Variants in SCAMP4 observed in about 807,000 individuals in gnomAD.
SCAMP4 encodes secretory carrier-associated membrane protein 4.
SCAMP4 carries 19 observed loss-of-function variants against 32.1 expected under a neutral mutation model. That is an observed-to-expected ratio of 0.59 (90% CI 0.41 to 0.87). The LOEUF (loss-of-function observed/expected upper bound fraction) is 0.87. Ranked by LOEUF, SCAMP4 falls within the 40% of genes least tolerant of loss-of-function variation. SCAMP4 has a pLI of 0.00. For missense variants in SCAMP4, 302 were observed against 309.0 expected (o/e 0.98, Z 0.17); for synonymous variants, 152 against 132.7 (o/e 1.15, Z -1.00).
rs2014044943 is a variant in SCAMP4 at position 1,924,725 on chromosome 19, A to G, written c.*441A>G. ...GTCTCACCGGCCACCCGCCGTCACCATGGCAGATGCCCTTGGCCGGAACTA... is the reference window on the plus strand; with the variant it reads ...GTCTCACCGGCCACCCGCCGTCACCGTGGCAGATGCCCTTGGCCGGAACTA... On this transcript the variant is annotated 3_prime_UTR_variant, in exon 7 of 7. Coordinates refer to ENST00000316097, the MANE Select transcript of SCAMP4 (RefSeq NM_079834.4). 4.8e-6 allele frequency: 1 copy of G among 206,566 alleles called. No individual in the cohort carries two copies. The highest frequency in any genetic ancestry group is 1.0e-5 in the Non-Finnish European group (1 of 98,112). 12.8% of individuals were successfully genotyped at this position (206,566 alleles called of 1,614,324 possible).
chr19:1,909,072 T>C (rs2013293792), intron 1 of SCAMP4, among the ~76,000 whole-genome samples: 1 of 149,982 alleles, frequency 6.7e-6, no homozygotes, highest in Admixed American at 6.7e-5. Context: ...GCCACTGCAC[T>C]CCAGCCTGGG....
At chr19:1,917,642 C>T (rs1371761416) in intron 2 of SCAMP4, 52 bp from the exon 3 acceptor site, 3 of 1,610,340 alleles carry the variant, frequency 1.9e-6, no homozygotes, top group African/African-American at 2.7e-5. Flanking sequence ...GAGGTGGGGC[C>T]TCCTTCAAGA....
chr19:1,914,319 CTGCCTCA>C (rs1418960151), intron 1 of SCAMP4, among the ~76,000 whole-genome samples: 1 of 152,160 alleles, frequency 6.6e-6, no homozygotes, highest in East Asian at 1.9e-4. Context: ...TTCCTGGGAA[CTGCCTCA>C]CCTGGACTGT....
chr19:1,921,221 G>C (rs144629762), intron 5 of SCAMP4: 179 of 985,236 alleles, frequency 1.8e-4, no homozygotes, highest in Non-Finnish European at 2.1e-4. Context: ...CACACACTCT[G>C]TGCACTGCTG....
chr19:1,907,391 T>TCAA (rs2013182994), intron 1 of SCAMP4, among the ~76,000 whole-genome samples: 1 of 137,344 alleles, frequency 7.3e-6, no homozygotes, highest in Non-Finnish European at 1.6e-5. Flanking sequence ...AGCCCTGCCT[T>TCAA]AAAAAAAAAA....
chr19:1,922,481 C>T (rs759640880), intron 5 of SCAMP4: 55 of 931,504 alleles, frequency 5.9e-5, no homozygotes, highest in Middle Eastern at 5.5e-4. Context: ...GTGATCCGCC[C>T]GCCTCGGCCT....
intron 1 of SCAMP4, chr19:1,912,297 C>G (rs779905008): frequency 2.6e-6 from 4 of 1,565,738 alleles, no homozygotes; most frequent in Admixed American, 1.8e-5. Context: ...GGCCCTGCAC[C>G]CGCTCCCCGC....
At position 1,924,619 on chromosome 19, in the gene SCAMP4, C is replaced by T. The variant is rs1397566162; in HGVS notation, c.*335C>T. On this transcript the variant is annotated 3_prime_UTR_variant, in exon 7 of 7. Coordinates refer to ENST00000316097, the MANE Select transcript of SCAMP4 (RefSeq NM_079834.4). Reference sequence around the variant, plus strand: ...GGTCTCGAGGCCTGACTCCGGGGGACAGGTGGCAGCAGGTCGGCCGCCCTC... The same window carrying T: ...GGTCTCGAGGCCTGACTCCGGGGGATAGGTGGCAGCAGGTCGGCCGCCCTC... The T allele has an allele frequency of 3.2e-6, 1 of 310,448 alleles. No individual in the cohort carries two copies. The highest frequency in any genetic ancestry group is 6.1e-5 in the East Asian group (1 of 16,296). The allele number at this position is 310,448 out of a possible 1,614,324, so 19.2% of individuals were successfully genotyped here.
chr19:1,917,905 C>G, intron 3 of SCAMP4, 83 bp downstream of exon 3: 1 of 1,559,090 alleles, frequency 6.4e-7, no homozygotes. Context: ...AGGGGCAGCC[C>G]GTCGGGGGCC....
intron 1 of SCAMP4, chr19:1,912,379 G>C (rs1316578343): frequency 2.0e-6 from 3 of 1,521,256 alleles, no homozygotes; most frequent in Non-Finnish European, 2.6e-6. Context: ...ATGCTGCTTT[G>C]CCTGGCTGGG....
intron 2 of SCAMP4, among the ~76,000 whole-genome samples, chr19:1,916,352 G>A (rs2013733502): frequency 1.3e-5 from 2 of 152,220 alleles, no homozygotes; most frequent in African/African-American, 2.4e-5. Context: ...AGCTGCTTGA[G>A]AGAGGCAGGA....
At position 1,917,803 on chromosome 19, in the gene SCAMP4, G is replaced by A. The variant is rs1321136428; in HGVS notation, c.117G>A (p.Arg39=). 1 of 1,614,008 alleles carries A rather than the reference G, an allele frequency of 6.2e-7. No individual in the cohort carries two copies. The highest frequency in any genetic ancestry group is 8.5e-7 in the Non-Finnish European group (1 of 1,179,890). The change falls in exon 3 of 7, where the codon AGG becomes AGA. Residue 39 remains arginine (R), a synonymous_variant. Transcript: ENST00000316097. Reference sequence around the variant, plus strand: ...TGGAGCACCAGGTCCTGGTGAAGAGGATCTACCGGCTGTGGATGTGTGAGT... The same window carrying A: ...TGGAGCACCAGGTCCTGGTGAAGAGAATCTACCGGCTGTGGATGTGTGAGT... ...IPVEHQVLVK[R]IYRLWMFYCA...
chr19:1,912,959 C>G, intron 1 of SCAMP4: 5 of 1,610,240 alleles, frequency 3.1e-6, no homozygotes, highest in Non-Finnish European at 4.2e-6. Flanking sequence ...ACGTGACCCG[C>G]GAGCCCTGCG....
intron 2 of SCAMP4, 79 bp from the exon 3 acceptor site, chr19:1,917,615 C>G: frequency 6.5e-7 from 1 of 1,548,908 alleles, no homozygotes; most frequent in African/African-American, 1.4e-5. Flanking sequence ...GGCAACCCAG[C>G]CTTGGGTCGA....
intron 1 of SCAMP4, among the ~76,000 whole-genome samples, chr19:1,914,009 C>T (rs1410048574): frequency 6.6e-6 from 1 of 152,086 alleles, no homozygotes; most frequent in Non-Finnish European, 1.5e-5. Flanking sequence ...GTGGGGGAGT[C>T]CGTGCCTGGG....
intron 5 of SCAMP4, chr19:1,922,672 A>G: frequency 1.0e-6 from 1 of 989,220 alleles, no homozygotes; most frequent in Non-Finnish European, 1.2e-6. Context: ...CTGGGTTCTT[A>G]GTAGCAGGCT....
rs71174396 is a variant in SCAMP4, at chr19:1,925,910, A to ACCCCCCCCCC, written c.*1635_*1636insCCCCCCCCCC. ...GACAAAATCTCACCTGGCAGGCCCA[A>ACCCCCCCCCC]CCCCCCCCCACCCCTCCCCCGCCGT... On this transcript the variant is annotated 3_prime_UTR_variant, in exon 7 of 7. Transcript: ENST00000316097. 10 of 112,696 alleles carry ACCCCCCCCCC rather than the reference A, an allele frequency of 8.9e-5. No homozygotes were observed. The highest frequency in any genetic ancestry group is 5.8e-4 in the South Asian group (2 of 3,472). 7.0% of individuals were successfully genotyped at this position (112,696 alleles called of 1,614,324 possible).
chr19:1,909,577 T>C (rs985019641), intron 1 of SCAMP4, among the ~76,000 whole-genome samples: 3 of 99,788 alleles, frequency 3.0e-5, no homozygotes, highest in Non-Finnish European at 5.6e-5. Flanking sequence ...TGTCTTCACC[T>C]GTGCCAGCAG....
At chr19:1,915,984 C>T (rs1379336559) in intron 2 of SCAMP4, among the ~76,000 whole-genome samples, 4 of 148,900 alleles carry the variant, frequency 2.7e-5, no homozygotes, top group African/African-American at 7.5e-5. Context: ...GTGGCTCACG[C>T]CTGTAATCCC....
Sources: gnomAD v4.1 joint callset for allele counts (sites outside exome capture counted in the v4.1 genomes callset) on GRCh38, gnomAD v4.1.1 for gene constraint, MANE v1.5 for transcripts, NCBI Gene and HGNC (gene_info 2026-07-23, HGNC 2026-07-21) for gene names.